Variants in MUC4 observed in about 807,000 individuals in gnomAD.
MUC4 encodes the protein mucin 4, cell surface associated.
A neutral mutation model predicts 257.9 loss-of-function variants in MUC4; 202 were observed. The observed-to-expected ratio is 0.78, with a 90% CI of 0.70 to 0.88. MUC4 has a LOEUF of 0.88. MUC4 is among the 40% of genes least tolerant of loss of function. MUC4 has a pLI of 0.00. For missense variants in MUC4, 5,976 were observed against 6,513.7 expected, an observed-to-expected ratio of 0.92 and a Z score of 2.84; for synonymous variants, 2,351 against 2,757.1, an observed-to-expected ratio of 0.85 and a Z score of 4.62.
At position 195,747,293 on chromosome 3, in the gene MUC4, A is replaced by AAAG. The variant is rs759015485; in HGVS notation, c.16119_16121dup (p.Phe5374dup). ...GCAGCAAGAGGCCGCCCAGGGCCCC[A>AAAG]AAGAAGATGCCGAAGAACGCGTCGA... On this transcript the variant is annotated inframe_insertion, in exon 25 of 25. Coordinates refer to ENST00000463781, the MANE Select transcript of MUC4 (RefSeq NM_018406.7). 1 of 1,614,188 alleles carries AAAG rather than the reference A, an allele frequency of 6.2e-7. No homozygotes were observed. The highest frequency in any genetic ancestry group is 8.5e-7 in the Non-Finnish European group (1 of 1,179,984).
chr3:195,754,160 G>A, intron 19 of MUC4, 53 bp downstream of exon 19: 2 of 1,569,618 alleles, frequency 1.3e-6, no homozygotes, highest in Non-Finnish European at 1.7e-6. Context: ...CTACACCCTT[G>A]AGCTATCAGC....
Position 195,786,487 on chromosome 3 carries a change from G to C in MUC4, c.5093C>G (p.Pro1698Arg), listed in dbSNP as rs1444767329. Residue 1698 changes from proline to arginine, a missense_variant, in exon 2 of 25, where the codon CCT becomes CGT. This residue lies in a region of MUC4 where 138 missense variants were observed against 107.8 expected (regional missense o/e 1.28). Coordinates refer to ENST00000463781, the MANE Select transcript of MUC4 (RefSeq NM_018406.7). ...GGATGCCGAGGAAACGTCGGTGACA[G>C]GAAGACGGGTGGTGTCATCTGTGGT... Reference protein sequence around the residue: ...SATTDDTTRLPVTDVSSASTG... With the variant: ...SATTDDTTRLRVTDVSSASTG... 6 of 1,526,068 alleles carry C rather than the reference G, an allele frequency of 3.9e-6. No individual in the cohort carries two copies. The African/African-American group carries it at 8.6e-5, about 22-fold the overall frequency. The allele number at this position is 1,526,068 out of a possible 1,614,324, so 94.5% of individuals were successfully genotyped here. A position where few individuals can be genotyped will look rare whatever the true frequency, so the allele number is the denominator to read the frequency against.
At position 195,780,572 on chromosome 3, in the gene MUC4, T is replaced by C. The variant is rs761811052; in HGVS notation, c.11008A>G (p.Thr3670Ala). Residue 3670 changes from threonine to alanine, a missense_variant, in exon 2 of 25, where the codon ACT becomes GCT. Thr to Ala is a moderately conservative substitution (Grantham distance 58). This residue lies in a region of MUC4 where 59 missense variants were observed against 149.8 expected (regional missense o/e 0.39). Coordinates refer to ENST00000463781, the MANE Select transcript of MUC4 (RefSeq NM_018406.7). ...GTGTCACCTGTGGATGCTGAGGAAG[T>C]GTCGGTGACAGGAAGAGGGGTGGCG... ...GHATPLPVTD[T>A]SSASTGDTTR... 5.0e-5 allele frequency: 20 copies of C among 404,026 alleles called. No individual in the cohort carries two copies. The highest frequency in any genetic ancestry group is 1.5e-4 in the East Asian group (1 of 6,646). 25.0% of individuals were successfully genotyped at this position (404,026 alleles called of 1,614,324 possible).
chr3:195,778,234 G>C, intron 3 of MUC4, 69 bp downstream of exon 3: 1 of 1,500,570 alleles, frequency 6.7e-7, no homozygotes, highest in Non-Finnish European at 8.9e-7. Context: ...ACTGTGGGAA[G>C]TAGGCTGAGA....
In MUC4 at chr3:195,750,956, A is replaced by T. The variant is rs1346852751; in HGVS notation, c.15804T>A (p.Ser5268Arg). ...AGACCACGTCGTTCCTGGGCTCCTC[A>T]CTCCTCCGTGGAACGTGGTATAAGA... Reference protein sequence around the residue: ...EAFLYHVPRRSEEPRNDVVFQ... With the variant: ...EAFLYHVPRRREEPRNDVVFQ... The change falls in exon 23 of 25, where the codon AGT becomes AGA. Residue 5268 changes from serine (S) to arginine (R), a missense_variant. Ser to Arg is a moderately radical substitution (Grantham distance 110). Transcript: ENST00000463781. The T allele has an allele frequency of 4.3e-6, 7 of 1,613,150 alleles. No homozygotes were observed. Among genetic ancestry groups the T allele is most frequent in the Non-Finnish European group, 5.9e-6 (7 of 1,179,806 alleles).
At chr3:195,767,593 A>T (rs1721201045) in intron 7 of MUC4, among the ~76,000 whole-genome samples, 1 of 119,274 alleles carries the variant, frequency 8.4e-6, no homozygotes, top group Non-Finnish European at 1.8e-5. Flanking sequence ...CATCACCACC[A>T]CCACCATCAT....
At position 195,790,208 on chromosome 3, in the gene MUC4, C is replaced by T. The variant is rs1359667975; in HGVS notation, c.1372G>A (p.Gly458Ser). 7 of 1,613,922 alleles carry T rather than the reference C, an allele frequency of 4.3e-6. No individual in the cohort carries two copies. Among genetic ancestry groups the T allele is most frequent in the African/African-American group, 4.0e-5 (3 of 74,920 alleles). The part of the protein sequence containing the change: ...STAFHTQQSE[G>S]AETTGRPHER... ...TGAGGCCGTCCTGTGGTCTCTGCAC[C>T]TTCACTCTGCTGGGTGTGGAAAGCT... is the stretch of plus-strand genomic sequence containing the variant. The change falls in exon 2 of 25, where the codon GGT becomes AGT. Residue 458 changes from glycine (G) to serine (S), a missense_variant. Physicochemically the swap from Gly to Ser is moderately conservative, Grantham distance 56. This residue lies in a region of MUC4 where 1,583 missense variants were observed against 1,257.4 expected (regional missense o/e 1.26). Transcript: ENST00000463781.
rs1338252222 is a variant in MUC4, at chr3:195,755,411, G to A, written c.15169-1039C>T. Among the ~76,000 whole-genome samples the A allele has an allele frequency of 6.6e-6, 1 of 152,016 alleles. No individual in the cohort carries two copies. The highest frequency in any genetic ancestry group is 1.9e-4 in the East Asian group (1 of 5,184). On this transcript the variant is annotated intron_variant, in intron 18 of 24. Transcript: ENST00000463781. This position sits in a 1 kb window ranked among gnomAD's most constrained non-coding sequence, Gnocchi z 5.0. ...GGGTCTTGCCATATTGCCCAGGCTG[G>A]TCTCAAAGTCCTGAGCTCAAGCAAT...
In MUC4 at chr3:195,770,366, G is replaced by A. The variant is rs755627500; in HGVS notation, c.13248C>T (p.Tyr4416=). 15 of 1,613,400 alleles carry A rather than the reference G, an allele frequency of 9.3e-6. No individual in the cohort carries two copies. Among genetic ancestry groups the A allele is most frequent in the East Asian group, 2.2e-5 (1 of 44,890 alleles). ...GGCTGTGTTCACCATAGAACGTCTC[G>A]TATTCCTAGGAAAGGAGGGCAGATG... The part of the protein sequence containing the change: ...TGRGTTFYQE[Y]ETFYGEHSLL... The change falls in exon 6 of 25, where the codon TAC becomes TAT. Residue 4416 remains tyrosine, a synonymous_variant. Coordinates refer to ENST00000463781, the MANE Select transcript of MUC4 (RefSeq NM_018406.7).
rs576409005 is a variant in MUC4, at chr3:195,762,388, G to A, written c.14345-134C>T. ...GCCGGGAGGGGTCTGCACTGGAGGC[G>A]GAGAAGAGGCCGGCGAGCTGCACGC... On this transcript the variant is annotated intron_variant, in intron 13 of 24. Transcript: ENST00000463781. The A allele has an allele frequency of 2.5e-4, 251 of 1,003,716 alleles. 2 individuals are homozygous for A. In the East Asian group the frequency reaches 6.3e-3, roughly 25 times the overall value. The allele number at this position is 1,003,716 out of a possible 1,614,324, so 62.2% of individuals were successfully genotyped here.
Position 195,757,408 on chromosome 3 carries a change from CCA to C in MUC4, c.14987-82_14987-81del. The C allele has an allele frequency of 7.3e-7, 1 of 1,363,312 alleles. No homozygotes were observed. The highest frequency in any genetic ancestry group is 2.4e-5 in the East Asian group (1 of 40,960). The allele number at this position is 1,363,312 out of a possible 1,614,324, so 84.5% of individuals were successfully genotyped here. ...TCTGATTGCTGATACGGGGCTTCCCCCACCCCTCTCAGGCCACCCTCCCCCTC... is the reference window on the plus strand; with the variant it reads ...TCTGATTGCTGATACGGGGCTTCCCCCCCCTCTCAGGCCACCCTCCCCCTC... On this transcript the variant is annotated intron_variant, in intron 17 of 24. Transcript: ENST00000463781. This position sits in a 1 kb window ranked among gnomAD's most constrained non-coding sequence, Gnocchi z 4.8.
At chr3:195,803,731 T>G (rs1297744043) in intron 1 of MUC4, among the ~76,000 whole-genome samples, 1 of 152,204 alleles carries the variant, frequency 6.6e-6, no homozygotes, top group Non-Finnish European at 1.5e-5. Context: ...ATTATATGCC[T>G]TGGAAGTAGC....
intron 14 of MUC4, 30 bp from the exon 15 acceptor site, chr3:195,761,615 C>G: frequency 6.4e-7 from 1 of 1,559,576 alleles, no homozygotes; most frequent in Non-Finnish European, 8.8e-7. Flanking sequence ...GTTGGCCACC[C>G]TGGGCACGCG....
At chr3:195,791,663 C>G (rs981659551) in intron 1 of MUC4, among the ~76,000 whole-genome samples, 166 bp from the exon 2 acceptor site, 2 of 152,070 alleles carry the variant, frequency 1.3e-5, no homozygotes. Flanking sequence ...CATATGGAAT[C>G]AAAAAAGAAC....
rs1210486731 is a variant in MUC4, at chr3:195,780,817, G to C, written c.10763C>G (p.Thr3588Ser). The C allele has an allele frequency of 1.0e-5, 12 of 1,170,858 alleles. No individual in the cohort carries two copies. The highest frequency in any genetic ancestry group is 5.3e-5 in the South Asian group (4 of 75,226). The allele number at this position is 1,170,858 out of a possible 1,614,324, so 72.5% of individuals were successfully genotyped here. A position where few individuals can be genotyped will look rare whatever the true frequency, so the allele number is the denominator to read the frequency against. Residue 3588 changes from threonine (T) to serine (S), a missense_variant, in exon 2 of 25, where the codon ACC becomes AGC. This residue lies in a region of MUC4 where 59 missense variants were observed against 149.8 expected (regional missense o/e 0.39). Coordinates refer to ENST00000463781, the MANE Select transcript of MUC4 (RefSeq NM_018406.7). ...STGDTTPLLV[T>S]DASSVSTGHA... ...ACCTGTGGATACTGAGGAAGCGTCG[G>C]TGACAAGAAGAGGGGTGGTGTCACC...
At chr3:195,804,398 G>A (rs1257827570) in intron 1 of MUC4, among the ~76,000 whole-genome samples, 1 of 152,210 alleles carries the variant, frequency 6.6e-6, no homozygotes, top group South Asian at 2.1e-4. Context: ...CTGTTGGCTC[G>A]GGAGAAGGAG....
Position 195,801,514 on chromosome 3 carries a change from C to G in MUC4, c.83-10017G>C, listed in dbSNP as rs192579890. Among the ~76,000 whole-genome samples, 917 of 152,144 alleles carry G rather than the reference C, an allele frequency of 6.0e-3. 7 individuals carry two copies. Among genetic ancestry groups the G allele is most frequent in the Non-Finnish European group, 7.1e-3 (481 of 68,004 alleles). On this transcript the variant is annotated intron_variant, in intron 1 of 24. Transcript: ENST00000463781. ...TCTCCGACGTTCTTTCTGCCTTTCTCCTTCTCTCCTGCCTGTGAGCATGTT... is the reference window on the plus strand; with the variant it reads ...TCTCCGACGTTCTTTCTGCCTTTCTGCTTCTCTCCTGCCTGTGAGCATGTT...
chr3:195,792,594 C>T (rs941962350), intron 1 of MUC4, among the ~76,000 whole-genome samples: 2 of 152,120 alleles, frequency 1.3e-5, no homozygotes, highest in African/African-American at 4.8e-5. Flanking sequence ...GGATCTAGAA[C>T]CAGAAATACC....
intron 18 of MUC4, among the ~76,000 whole-genome samples, chr3:195,754,902 T>C (rs2148770747): frequency 2.1e-5 from 1 of 46,780 alleles, no homozygotes; most frequent in East Asian, 5.7e-4. Flanking sequence ...TCCATGTATG[T>C]ATGTGTGTGT....
Sources: allele counts gnomAD v4.1 joint callset (sites outside exome capture counted in the v4.1 genomes callset), GRCh38; gene constraint gnomAD v4.1.1; regional missense constraint gnomAD v4.1.1; non-coding constraint Gnocchi (gnomAD v3.1); transcripts MANE v1.5; gene names NCBI Gene and HGNC (gene_info 2026-07-23, HGNC 2026-07-21).